GOLGB1: variants seen among roughly 807,000 people sequenced by gnomAD.
The protein encoded by GOLGB1 is golgin B1.
In GOLGB1, 174 loss-of-function variants were observed where a neutral mutation model predicts 336.9. That is an observed-to-expected ratio of 0.52 (90% confidence interval 0.46 to 0.59). GOLGB1 has a LOEUF of 0.59. Among genes scored for constraint, GOLGB1 ranks in the 20% least tolerant of loss-of-function variants. The pLI, the probability that GOLGB1 is intolerant of heterozygous loss-of-function variation, is 0.00. For synonymous variants in GOLGB1, 1,208 were observed against 1,289.2 expected (o/e 0.94, Z 1.35); for missense variants, 3,331 against 3,645.3 (o/e 0.91, Z 2.22).
intron 10 of GOLGB1, among the ~76,000 whole-genome samples, chr3:121,708,372 C>A (rs1028083184): frequency 6.6e-6 from 1 of 152,072 alleles, no homozygotes; most frequent in African/African-American, 2.4e-5. Context: ...TGGCTTATAC[C>A]TGTAATCCCA....
intron 16 of GOLGB1, 94 bp from the exon 17 acceptor site, chr3:121,677,124 T>C: frequency 6.7e-7 from 1 of 1,490,928 alleles, no homozygotes; most frequent in Non-Finnish European, 9.2e-7. Context: ...ATAGAAGTCA[T>C]AAGGTGGCTT....
At chr3:121,748,251 A>T (rs962232419) in intron 1 of GOLGB1, among the ~76,000 whole-genome samples, 3 of 152,190 alleles carry the variant, frequency 2.0e-5, no homozygotes, top group African/African-American at 7.2e-5. Flanking sequence ...AAGGCTTTTT[A>T]AAAACTTCAT....
chr3:121,692,774 G>A (rs1477869080), intron 13 of GOLGB1, among the ~76,000 whole-genome samples, 193 bp from the exon 14 acceptor site: 2 of 152,098 alleles, frequency 1.3e-5, no homozygotes, highest in African/African-American at 4.8e-5. Flanking sequence ...TGTATTAAAG[G>A]TATATCATAC....
intron 20 of GOLGB1, among the ~76,000 whole-genome samples, chr3:121,666,268 C>T (rs1446507652): frequency 2.0e-5 from 3 of 152,318 alleles, no homozygotes; most frequent in African/African-American, 7.2e-5. Context: ...TTCCATTCTG[C>T]ATCAGAGCTA....
intron 10 of GOLGB1, among the ~76,000 whole-genome samples, chr3:121,710,714 G>T (rs9808981): frequency 6.6e-6 from 1 of 151,748 alleles, no homozygotes; most frequent in African/African-American, 2.4e-5. Context: ...AAAAATAGCC[G>T]GGCATGGTGG....
At chr3:121,707,548 G>A (rs751313440) in intron 10 of GOLGB1, among the ~76,000 whole-genome samples, 2 of 151,310 alleles carry the variant, frequency 1.3e-5, no homozygotes, top group South Asian at 2.1e-4. Flanking sequence ...TGGAAGAATC[G>A]CTTGAGCCCA....
rs749233499 is a variant in GOLGB1 at position 121,698,743 on chromosome 3, C to T, written c.1780G>A (p.Asp594Asn). Residue 594 changes from aspartate (D) to asparagine (N), a missense_variant, in exon 13 of 22, where the codon GAT (aspartate) becomes AAT (asparagine). Transcript: ENST00000614479. ...TCTTTCTGGTCAAGGACCTCATGAT[C>T]TGCTTCCTCAGCCCTTTTTCCCTGG... ...QLQGKRAEEA[D>N]HEVLDQKEMK... 1 of 1,613,510 alleles carries T rather than the reference C, an allele frequency of 6.2e-7. No individual in the cohort carries two copies. Among genetic ancestry groups the T allele is most frequent in the Non-Finnish European group, 8.5e-7 (1 of 1,179,686 alleles).
At chr3:121,678,727 C>T (rs925994761) in intron 15 of GOLGB1, among the ~76,000 whole-genome samples, 2 of 152,132 alleles carry the variant, frequency 1.3e-5, no homozygotes, top group African/African-American at 2.4e-5. Flanking sequence ...GCCACCATGC[C>T]CAGCTAATTT....
At chr3:121,693,229 G>A (rs1307482503) in intron 13 of GOLGB1, among the ~76,000 whole-genome samples, 2 of 152,194 alleles carry the variant, frequency 1.3e-5, no homozygotes, top group Admixed American at 1.3e-4. Context: ...GCTCATGCCT[G>A]TAATCCCAGC....
intron 8 of GOLGB1, among the ~76,000 whole-genome samples, chr3:121,717,450 A>C (rs1944869649): frequency 6.6e-6 from 1 of 152,198 alleles, no homozygotes; most frequent in Non-Finnish European, 1.5e-5. Flanking sequence ...AAGGTAGTTC[A>C]AACTGTCAAG....
intron 14 of GOLGB1, among the ~76,000 whole-genome samples, chr3:121,683,289 A>G (rs1401381163): frequency 6.6e-6 from 1 of 152,066 alleles, no homozygotes; most frequent in Non-Finnish European, 1.5e-5. Flanking sequence ...CTGGACAGGT[A>G]AAAGAAGTCT....
In GOLGB1 at chr3:121,695,889, C is replaced by T; in HGVS notation, c.4634G>A (p.Arg1545Lys). 1 of 1,613,510 alleles carries T rather than the reference C, an allele frequency of 6.2e-7. No homozygotes were observed. The highest frequency in any genetic ancestry group is 8.5e-7 in the Non-Finnish European group (1 of 1,179,824). Residue 1545 changes from arginine (R) to lysine (K), a missense_variant, in exon 13 of 22, where the codon AGG (arginine) becomes AAG (lysine). Physicochemically the swap from Arg to Lys is conservative, Grantham distance 26 (BLOSUM62 2). Coordinates refer to ENST00000614479, the MANE Select transcript of GOLGB1 (RefSeq NM_001366282.2). ...TCTTTCTTCTTGAAGAAGAGCTAAC[C>T]TTCCTAAGACCGTATCTTTTTCTTT... ...QNKEKDTVLG[R>K]LALLQEERDK...
At chr3:121,725,178 G>A (rs1185763379) in intron 5 of GOLGB1, among the ~76,000 whole-genome samples, 4 of 152,062 alleles carry the variant, frequency 2.6e-5, no homozygotes, top group Non-Finnish European at 5.9e-5. Context: ...GTAATGCCTA[G>A]TGGAATCACG....
At chr3:121,719,229 A>T (rs1455258283) in intron 7 of GOLGB1, among the ~76,000 whole-genome samples, 1 of 152,216 alleles carries the variant, frequency 6.6e-6, no homozygotes, top group Non-Finnish European at 1.5e-5. Flanking sequence ...AATTTTTTTA[A>T]AAAAGAATTA....
intron 10 of GOLGB1, among the ~76,000 whole-genome samples, chr3:121,704,425 T>C (rs903937570): frequency 2.0e-5 from 3 of 152,158 alleles, no homozygotes; most frequent in Non-Finnish European, 2.9e-5. Flanking sequence ...TTCGAATGAC[T>C]ACTGACCAAT....
At chr3:121,689,045 C>A (rs1194929899) in intron 14 of GOLGB1, among the ~76,000 whole-genome samples, 3 of 149,790 alleles carry the variant, frequency 2.0e-5, no homozygotes, top group East Asian at 4.0e-4. Flanking sequence ...CAGCCAGCCG[C>A]CCCGTCCGGG....
rs527632411 is a variant in GOLGB1 at position 121,742,448 on chromosome 3, C to T, written c.-3+7184G>A. 9.2e-5 allele frequency among the ~76,000 whole-genome samples: 14 copies of T among 152,232 alleles called. No homozygotes were observed. In the East Asian group the frequency reaches 2.1e-3, roughly 23 times the overall value. ...GGTGAAACTGGATCCCTTCCTTGCA[C>T]CTTATACAAAAATTAATTCAAGATG... is the stretch of plus-strand genomic sequence containing the variant. On this transcript the variant is annotated intron_variant, in intron 1 of 21. Transcript: ENST00000614479.
chr3:121,685,162 A>G (rs1243968509), intron 14 of GOLGB1, among the ~76,000 whole-genome samples: 1 of 152,222 alleles, frequency 6.6e-6, no homozygotes, highest in Non-Finnish European at 1.5e-5. Flanking sequence ...TTGTAGTCAT[A>G]AAAAATGTAA....
At chr3:121,743,450 A>C (rs1168542329) in intron 1 of GOLGB1, among the ~76,000 whole-genome samples, 2 of 152,142 alleles carry the variant, frequency 1.3e-5, no homozygotes, top group African/African-American at 4.8e-5. Flanking sequence ...AACATAACAC[A>C]CTGGGACCTG....
Sources: gnomAD v4.1 joint callset for allele counts (sites outside exome capture counted in the v4.1 genomes callset) on GRCh38, gnomAD v4.1.1 for gene constraint, MANE v1.5 for transcripts, NCBI Gene and HGNC (gene_info 2026-07-23, HGNC 2026-07-21) for gene names.